Variants in PACRG observed in about 807,000 individuals in gnomAD.
PACRG encodes parkin coregulated.
PACRG carries 29 observed loss-of-function variants against 29.7 expected under a neutral mutation model. That is an observed-to-expected ratio of 0.98 (90% confidence interval 0.73 to 1.33). The LOEUF (loss-of-function observed/expected upper bound fraction) is 1.33. Ranked by LOEUF, PACRG falls within the 40% of genes most tolerant of loss-of-function variation. The pLI is 0.00. For synonymous variants in PACRG, 116 were observed against 118.7 expected (o/e 0.98, Z 0.15); for missense variants, 279 against 316.2 (o/e 0.88, Z 0.89).
chr6:163,187,432 G>A (rs959515286), intron 4 of PACRG, among the ~76,000 whole-genome samples: 1 of 152,070 alleles, frequency 6.6e-6, no homozygotes, highest in Admixed American at 6.5e-5. Flanking sequence ...TTGCAGCACT[G>A]CTGAGAACGC....
intron 4 of PACRG, among the ~76,000 whole-genome samples, chr6:163,195,621 C>T (rs751221231): frequency 2.6e-5 from 4 of 152,176 alleles, no homozygotes; most frequent in Admixed American, 2.0e-4. Context: ...AGGAAGGGGT[C>T]TAACCTCCCC....
chr6:163,089,113 T>C (rs1244312508), intron 3 of PACRG, 146 bp from the exon 4 acceptor site: 1 of 739,000 alleles, frequency 1.4e-6, no homozygotes, highest in Non-Finnish European at 2.1e-6. Context: ...CAATGTGTCA[T>C]CCAAAGCTAT....
chr6:163,186,940 C>G (rs190661961), intron 4 of PACRG, among the ~76,000 whole-genome samples: 103 of 152,316 alleles, frequency 6.8e-4, no homozygotes, highest in African/African-American at 2.3e-3. Context: ...TTGACATTTT[C>G]CCCGGGCTCT....
chr6:162,820,733 T>C (rs1299103279), intron 2 of PACRG, among the ~76,000 whole-genome samples: 1 of 152,248 alleles, frequency 6.6e-6, no homozygotes, highest in Non-Finnish European at 1.5e-5. Flanking sequence ...TTGAGCTGAA[T>C]AATTTGTTTC....
At chr6:162,997,707 G>T in intron 2 of PACRG, among the ~76,000 whole-genome samples, 1 of 152,234 alleles carries the variant, frequency 6.6e-6, no homozygotes, top group East Asian at 1.9e-4. Flanking sequence ...AGGAATGGGA[G>T]TTCCCATGTT....
At chr6:162,751,548 A>G (rs191112203) in intron 1 of PACRG, among the ~76,000 whole-genome samples, 2 of 152,106 alleles carry the variant, frequency 1.3e-5, no homozygotes, top group African/African-American at 2.4e-5. Context: ...TCAGTTGGAA[A>G]TTTTCCTTTT....
At chr6:162,947,597 T>TATATATATATAATC (rs1554313308) in intron 2 of PACRG, among the ~76,000 whole-genome samples, 29 of 70,056 alleles carry the variant, frequency 4.1e-4, no homozygotes, top group African/African-American at 1.5e-3. Flanking sequence ...TATATAATCA[T>TATATATATATAATC]ATATATATAT....
At chr6:162,754,941 G>A (rs749907251) in intron 1 of PACRG, among the ~76,000 whole-genome samples, 7 of 152,020 alleles carry the variant, frequency 4.6e-5, no homozygotes, top group Non-Finnish European at 7.4e-5. Context: ...ACTTTTACAG[G>A]CATGTAAAAG....
rs187134866 is a variant in PACRG at position 163,026,784 on chromosome 6, T to C, written c.292-35366T>C. Among the ~76,000 whole-genome samples, 18 of 152,358 alleles carry C rather than the reference T, an allele frequency of 1.2e-4. No individual in the cohort carries two copies. The East Asian group carries it at 3.1e-3, about 26-fold the overall frequency. On this transcript the variant is annotated intron_variant, in intron 2 of 4. Transcript: ENST00000366888. ...TTTGTTGAATGACTAAATAAGGCGTTTCATAGCTGGAAACTTCAGAAAAGG... is the reference window on the plus strand; with the variant it reads ...TTTGTTGAATGACTAAATAAGGCGTCTCATAGCTGGAAACTTCAGAAAAGG...
intron 2 of PACRG, among the ~76,000 whole-genome samples, chr6:163,058,242 G>A (rs1434609519): frequency 6.6e-6 from 1 of 152,032 alleles, no homozygotes; most frequent in Non-Finnish European, 1.5e-5. Flanking sequence ...ATCCACCTTG[G>A]AACTGCCATC....
At chr6:163,275,812 CCTT>C (rs1296124952) in intron 4 of PACRG, among the ~76,000 whole-genome samples, 1 of 152,134 alleles carries the variant, frequency 6.6e-6, no homozygotes, top group Non-Finnish European at 1.5e-5. Flanking sequence ...AGACCTGCCT[CCTT>C]ATTAATAATT....
At chr6:163,080,878 TG>T (rs201397726) in intron 3 of PACRG, among the ~76,000 whole-genome samples, 2,413 of 152,282 alleles carry the variant, frequency 0.016, 34 homozygotes, top group Non-Finnish European at 0.026. Context: ...CAATATTTTT[TG>T]TATGACATTT....
chr6:162,781,844 G>T (rs1784116420), intron 1 of PACRG, among the ~76,000 whole-genome samples: 1 of 151,092 alleles, frequency 6.6e-6, no homozygotes, highest in African/African-American at 2.4e-5. Flanking sequence ...GGCAAGAAAA[G>T]GAGAGAAAAG....
chr6:163,080,891 C>G (rs974757511), intron 3 of PACRG, among the ~76,000 whole-genome samples: 1 of 152,004 alleles, frequency 6.6e-6, no homozygotes, highest in Non-Finnish European at 1.5e-5. Context: ...ATGACATTTA[C>G]TTCAAGTAGG....
chr6:163,244,556 C>T lies in PACRG; in HGVS notation c.614-70271C>T, dbSNP rs75189430. Among the ~76,000 whole-genome samples the T allele has an allele frequency of 5.5e-3, 844 of 152,272 alleles. 6 individuals carry two copies. The highest frequency in any genetic ancestry group is 0.019 in the African/African-American group (799 of 41,550). ...GGCCCAGCACTGACCATATTTCCTCCTACAAGGCCCCAGCCCATCAGCACA... is the reference window on the plus strand; with the variant it reads ...GGCCCAGCACTGACCATATTTCCTCTTACAAGGCCCCAGCCCATCAGCACA... On this transcript the variant is annotated intron_variant, in intron 4 of 4. Coordinates refer to ENST00000366888, the MANE Select transcript of PACRG (RefSeq NM_001080379.2).
chr6:163,115,240 G>A (rs1289524645), intron 4 of PACRG, among the ~76,000 whole-genome samples: 1 of 151,992 alleles, frequency 6.6e-6, no homozygotes, highest in Admixed American at 6.6e-5. Flanking sequence ...TTATTATACT[G>A]GGCTGGATTC....
rs1810500580 is a variant in PACRG at position 163,055,533 on chromosome 6, A to G, written c.292-6617A>G. 6.6e-6 allele frequency among the ~76,000 whole-genome samples: 1 copy of G among 152,238 alleles called. No homozygotes were observed. Among genetic ancestry groups the G allele is most frequent in the Non-Finnish European group, 1.5e-5 (1 of 68,044 alleles). Reference sequence around the variant, plus strand: ...GGAACCCTGGAAGATATGTAAAAGGAATTTACATACAAAAAATCATCCTGT... The same window carrying G: ...GGAACCCTGGAAGATATGTAAAAGGGATTTACATACAAAAAATCATCCTGT... On this transcript the variant is annotated intron_variant, in intron 2 of 4. Coordinates refer to ENST00000366888, the MANE Select transcript of PACRG (RefSeq NM_001080379.2). The surrounding 1 kb of genome is among the most constrained non-coding windows in gnomAD (Gnocchi z 4.0).
intron 1 of PACRG, among the ~76,000 whole-genome samples, chr6:162,763,877 T>TA (rs11446079): frequency 0.053 from 8,032 of 152,264 alleles, 714 homozygotes; most frequent in African/African-American, 0.18. Flanking sequence ...TAAAGACGGA[T>TA]ATCAAACAAA....
intron 1 of PACRG, among the ~76,000 whole-genome samples, chr6:162,781,251 A>G (rs553572807): frequency 2.4e-4 from 36 of 152,168 alleles, no homozygotes; most frequent in African/African-American, 8.2e-4. Context: ...GCAAAAAATT[A>G]TGAACCTATA....
Sources: gnomAD v4.1 joint callset for allele counts (sites outside exome capture counted in the v4.1 genomes callset) on GRCh38, gnomAD v4.1.1 for gene constraint, Gnocchi (gnomAD v3.1) non-coding constraint, MANE v1.5 for transcripts, NCBI Gene and HGNC (gene_info 2026-07-23, HGNC 2026-07-21) for gene names.